Variants in NAV2 observed in about 807,000 individuals in gnomAD.
NAV2 encodes helicase, APC down-regulated 1.
Under a neutral mutation model 223.2 loss-of-function variants are expected in NAV2, and 54 were observed. The observed-to-expected ratio is 0.24, with a 90% CI of 0.19 to 0.30. The LOEUF is 0.30. Among genes scored for constraint, NAV2 ranks in the 10% least tolerant of loss-of-function variants. The probability of loss-of-function intolerance (pLI) is 1.00; values close to 1 mark genes in which losing one functional copy is unlikely to be tolerated. For synonymous variants in NAV2, 1,279 were observed against 1,239.3 expected (o/e 1.03, Z -0.67); for missense variants, 2,806 against 3,147.5 (o/e 0.89, Z 2.60).
intron 11 of NAV2, among the ~76,000 whole-genome samples, chr11:19,995,263 G>A (rs1036504090): frequency 1.3e-5 from 2 of 152,160 alleles, no homozygotes; most frequent in Non-Finnish European, 2.9e-5. Context: ...ATGACTCATG[G>A]GTATAGCTTA....
At chr11:19,906,747 C>A (rs1290242565) in intron 6 of NAV2, among the ~76,000 whole-genome samples, 1 of 152,152 alleles carries the variant, frequency 6.6e-6, no homozygotes, top group Admixed American at 6.5e-5. Flanking sequence ...GCACCACTTG[C>A]TTTATGAGGC....
At chr11:19,785,927 C>A (rs1203144857) in intron 1 of NAV2, among the ~76,000 whole-genome samples, 1 of 152,106 alleles carries the variant, frequency 6.6e-6, no homozygotes, top group Non-Finnish European at 1.5e-5. Context: ...TGCTTTCTGC[C>A]CTTTCTCCTT....
chr11:19,850,137 G>T (rs2061032668), intron 3 of NAV2, among the ~76,000 whole-genome samples: 1 of 152,180 alleles, frequency 6.6e-6, no homozygotes, highest in African/African-American at 2.4e-5. Context: ...CTTATTTACA[G>T]ATAAAGTACT....
intron 1 of NAV2, among the ~76,000 whole-genome samples, chr11:19,827,274 T>C (rs2059687189): frequency 1.3e-5 from 2 of 152,130 alleles, no homozygotes; most frequent in African/African-American, 4.8e-5. Context: ...GAGCTGGTAG[T>C]CAGTACTTGA....
chr11:20,058,705 A>G (rs1174784004), intron 19 of NAV2, among the ~76,000 whole-genome samples: 1 of 152,298 alleles, frequency 6.6e-6, no homozygotes, highest in East Asian at 1.9e-4. Context: ...TGGCACCTCT[A>G]CTGTTAGCAG....
chr11:19,905,212 C>T (rs2042771212), intron 6 of NAV2, among the ~76,000 whole-genome samples: 1 of 152,178 alleles, frequency 6.6e-6, no homozygotes, highest in African/African-American at 2.4e-5. Flanking sequence ...GAGAAGATTT[C>T]TCCCTTAACT....
intron 10 of NAV2, among the ~76,000 whole-genome samples, chr11:19,977,324 C>A (rs2049848657): frequency 6.6e-6 from 1 of 152,236 alleles, no homozygotes; most frequent in African/African-American, 2.4e-5. Flanking sequence ...CCACAGGGAA[C>A]CCCAACTGAG....
intron 2 of NAV2, among the ~76,000 whole-genome samples, chr11:19,834,153 C>T (rs1746972689): frequency 6.6e-6 from 1 of 152,206 alleles, no homozygotes; most frequent in Non-Finnish European, 1.5e-5. Flanking sequence ...AGTCTGTCTG[C>T]CACATTCCTT....
At chr11:19,906,797 A>G (rs1160686545) in intron 6 of NAV2, among the ~76,000 whole-genome samples, 1 of 152,138 alleles carries the variant, frequency 6.6e-6, no homozygotes, top group Admixed American at 6.5e-5. Flanking sequence ...CAGCTGTTAA[A>G]GTAGAACTCC....
At chr11:19,490,969 C>G (rs1175858135) in intron 1 of NAV2, among the ~76,000 whole-genome samples, 1 of 152,148 alleles carries the variant, frequency 6.6e-6, no homozygotes, top group African/African-American at 2.4e-5. Context: ...TTGTACACCT[C>G]CATCAGAGCT....
chr11:19,661,810 A>G (rs2048291790), intron 1 of NAV2, among the ~76,000 whole-genome samples: 1 of 152,204 alleles, frequency 6.6e-6, no homozygotes, highest in Non-Finnish European at 1.5e-5. Context: ...ACGAGAATCT[A>G]TAGTTAGGTG....
intron 31 of NAV2, among the ~76,000 whole-genome samples, chr11:20,099,190 A>T (rs976823065): frequency 6.6e-6 from 1 of 152,156 alleles, no homozygotes; most frequent in African/African-American, 2.4e-5. Flanking sequence ...GATTGGTTCC[A>T]CTTGAACCAC....
At chr11:19,540,374 C>T (rs2044307364) in intron 1 of NAV2, among the ~76,000 whole-genome samples, 1 of 152,206 alleles carries the variant, frequency 6.6e-6, no homozygotes, top group African/African-American at 2.4e-5. Context: ...TAATTGCATC[C>T]ATTTATTCTC....
At chr11:19,409,616 C>T (rs1220716941) in intron 1 of NAV2, among the ~76,000 whole-genome samples, 4 of 152,160 alleles carry the variant, frequency 2.6e-5, no homozygotes, top group Admixed American at 1.3e-4. Flanking sequence ...CTGGTCTGAG[C>T]GGCCGTTCAT....
intron 10 of NAV2, among the ~76,000 whole-genome samples, chr11:19,968,017 C>G (rs1440362318): frequency 6.6e-6 from 1 of 152,194 alleles, no homozygotes; most frequent in African/African-American, 2.4e-5. Flanking sequence ...GCACACCTCC[C>G]TGCTGCCCCA....
In NAV2 at chr11:19,983,993, G is replaced by C. The variant is rs2050535711; in HGVS notation, c.2646-132G>C. On this transcript the variant is annotated intron_variant, in intron 10 of 37. Transcript: ENST00000349880. ...TATCCTTGGGCTGTGATCAGTGCCA[G>C]AGCCTCAGGGAATCCTCCGTTTCTT... The C allele has an allele frequency of 2.6e-6, 3 of 1,159,406 alleles. No individual in the cohort carries two copies. In the African/African-American group the frequency reaches 4.6e-5, roughly 18 times the overall value. 71.8% of individuals were successfully genotyped at this position (1,159,406 alleles called of 1,614,324 possible).
chr11:19,510,330 A>G (rs1006816278), intron 1 of NAV2, among the ~76,000 whole-genome samples: 4 of 152,246 alleles, frequency 2.6e-5, no homozygotes, highest in Non-Finnish European at 4.4e-5. Flanking sequence ...ACTGGGGTCC[A>G]GAGAGGTTGT....
rs180972839 is a variant in NAV2 at position 20,049,181 on chromosome 11, C to T, written c.4356C>T (p.Thr1452=). ...TTGTCAGAACTAACAGTGTGAAGAC[C>T]ACACTGTCAGAAAGGTTGGTGCTGT... The part of the protein sequence containing the change: ...TPFVRTNSVK[T]TLSESPLSSP... The change falls in exon 15 of 38, where the codon ACC becomes ACT. Residue 1452 remains threonine (T), a synonymous_variant. Transcript: ENST00000349880. The T allele has an allele frequency of 8.1e-5, 130 of 1,596,488 alleles. No homozygotes were observed. The East Asian group carries it at 2.5e-3, about 31-fold the overall frequency.
At chr11:20,090,037 G>A (rs1227745926) in intron 26 of NAV2, among the ~76,000 whole-genome samples, 1 of 152,208 alleles carries the variant, frequency 6.6e-6, no homozygotes, top group Non-Finnish European at 1.5e-5. Flanking sequence ...CCCTGAGTGT[G>A]TTAAGCAGTG....
Sources: allele counts gnomAD v4.1 joint callset (sites outside exome capture counted in the v4.1 genomes callset), GRCh38; gene constraint gnomAD v4.1.1; transcripts MANE v1.5; gene names NCBI Gene and HGNC (gene_info 2026-07-23, HGNC 2026-07-21).